The following TRIM49 variants were observed in gnomAD, a reference collection of about 807,000 sequenced individuals.
TRIM49 encodes tripartite motif containing 49.
A neutral mutation model predicts 27.4 loss-of-function variants in TRIM49; 5 were observed. That is an observed-to-expected ratio of 0.18 (90% CI 0.10 to 0.38). TRIM49 has a LOEUF of 0.38. TRIM49 is among the 10% of genes least tolerant of loss of function. The probability of loss-of-function intolerance (pLI) is 1.00; values close to 1 mark genes in which losing one functional copy is unlikely to be tolerated. For synonymous variants in TRIM49, 69 were observed against 166.0 expected (o/e 0.42, Z 4.49); for missense variants, 188 against 487.5 (o/e 0.39, Z 5.79).
At chr11:89,782,120 AC>A in the TRIM49 span, 1 of 1,551,182 alleles carries the variant, frequency 6.4e-7, no homozygotes, top group Non-Finnish European at 8.7e-7. Flanking sequence ...AACAGCAGAT[AC>A]CAATATCGTT....
At chr11:89,783,785 C>A in the TRIM49 span, among the ~76,000 whole-genome samples, 1 of 146,026 alleles carries the variant, frequency 6.8e-6, no homozygotes. Flanking sequence ...GGCTTACCTG[C>A]TCTAACAAAG....
In TRIM49 at chr11:89,807,122, C is replaced by T. The variant is rs1949794220; in HGVS notation, c.-28G>A. ...ACCCTGGAGTTCTTTTAATGGTTCC[C>T]ACAACGATTTTTCCAAAAATAATTT... On this transcript the variant is annotated 5_prime_UTR_variant, in exon 2 of 8. Transcript: ENST00000329758. 1 of 152,470 alleles carries T rather than the reference C, an allele frequency of 6.6e-6. No homozygotes were observed. Among genetic ancestry groups the T allele is most frequent in the African/African-American group, 2.4e-5 (1 of 41,256 alleles). 9.4% of individuals were successfully genotyped at this position (152,470 alleles called of 1,614,324 possible). A position where few individuals can be genotyped will look rare whatever the true frequency, so the allele number is the denominator to read the frequency against.
At chr11:89,797,070 T>G, downstream of TRIM49, among the ~76,000 whole-genome samples, 1 of 152,118 alleles carries the variant, frequency 6.6e-6, no homozygotes, top group Non-Finnish European at 1.5e-5. Context: ...ATTTTGGTAT[T>G]TTTTTATGAG....
the TRIM49 span, chr11:89,782,048 T>G: frequency 6.5e-7 from 1 of 1,531,876 alleles, no homozygotes; most frequent in Non-Finnish European, 8.8e-7. Flanking sequence ...CGGCAAGCAT[T>G]ACTGGGAGGT....
the TRIM49 span, among the ~76,000 whole-genome samples, chr11:89,780,078 G>A: frequency 1.8e-5 from 2 of 113,460 alleles, 1 homozygote; most frequent in East Asian, 6.0e-4. Flanking sequence ...AAAAGACAGA[G>A]GGAGGAGAGA....
chr11:89,783,790 A>G, the TRIM49 span, among the ~76,000 whole-genome samples: 4 of 145,874 alleles, frequency 2.7e-5, no homozygotes, highest in African/African-American at 8.0e-5. Flanking sequence ...ACCTGCTCTA[A>G]CAAAGACCAC....
chr11:89,791,655 T>C, the TRIM49 span, among the ~76,000 whole-genome samples: 9 of 151,578 alleles, frequency 5.9e-5, no homozygotes, highest in Admixed American at 4.6e-4. Flanking sequence ...GCTTCATAAG[T>C]GAAGGAGAAA....
intron 4 of TRIM49, among the ~76,000 whole-genome samples, chr11:89,802,491 T>C (rs1202985996): frequency 7.3e-5 from 11 of 151,052 alleles, no homozygotes; most frequent in South Asian, 6.3e-4. Flanking sequence ...TTTGTGGTTC[T>C]TCCGGCCTCC....
downstream of TRIM49, among the ~76,000 whole-genome samples, chr11:89,795,788 T>C (rs1422598923): frequency 3.4e-5 from 5 of 149,158 alleles, no homozygotes; most frequent in Non-Finnish European, 5.9e-5. Flanking sequence ...CTAATGTAAA[T>C]GAGGAGTTAA....
the TRIM49 span, among the ~76,000 whole-genome samples, chr11:89,772,604 A>G: frequency 7.6e-6 from 1 of 131,800 alleles, no homozygotes; most frequent in Non-Finnish European, 1.5e-5. Context: ...TTAGCTGAAT[A>G]TTTTGATATT....
chr11:89,788,031 G>A, the TRIM49 span, among the ~76,000 whole-genome samples: 2 of 144,194 alleles, frequency 1.4e-5, no homozygotes, highest in Admixed American at 6.8e-5. Context: ...TACACCTAGC[G>A]GGCATGTTGC....
chr11:89,791,849 A>C, the TRIM49 span, among the ~76,000 whole-genome samples: 1 of 151,568 alleles, frequency 6.6e-6, no homozygotes, highest in African/African-American at 2.4e-5. Flanking sequence ...TGAGCAAAAT[A>C]ACCAGCTAAC....
Position 89,804,077 on chromosome 11 carries a change from C to A in TRIM49, c.393G>T (p.Trp131Cys), listed in dbSNP as rs777629835. Residue 131 changes from tryptophan to cysteine, a missense_variant, in exon 3 of 8, where the codon TGG (tryptophan) becomes TGT (cysteine). By Grantham distance (215) the Trp-to-Cys change is radical (BLOSUM62 -2). Around this residue, in one of 6 missense-constraint regions of TRIM49, gnomAD observed 21 missense variants for 71.4 expected, o/e 0.29. Coordinates refer to ENST00000329758, the MANE Select transcript of TRIM49 (RefSeq NM_020358.2). Reference protein sequence around the residue: ...HRYHRHRPIEWAAEEHREKLL... With the variant: ...HRYHRHRPIECAAEEHREKLL... ...CACTTACCCGGTGTTCCTCAGCAGC[C>A]CACTCAATGGGACGGTGTCTGTGAT... 6.2e-7 allele frequency: 1 copy of A among 1,608,166 alleles called. No individual in the cohort carries two copies. The highest frequency in any genetic ancestry group is 1.1e-5 in the South Asian group (1 of 90,778).
chr11:89,793,519 A>G (rs1484198918), downstream of TRIM49, among the ~76,000 whole-genome samples: 3 of 152,206 alleles, frequency 2.0e-5, no homozygotes, highest in Non-Finnish European at 4.4e-5. Context: ...GCAGCACATC[A>G]AAAAGCTTAT....
At chr11:89,779,695 T>TA in the TRIM49 span, among the ~76,000 whole-genome samples, 605 of 108,100 alleles carry the variant, frequency 5.6e-3, 23 homozygotes, top group Non-Finnish European at 9.1e-3. Context: ...TATATATATA[T>TA]TTTTTTGCAG....
At chr11:89,777,678 G>C in the TRIM49 span, among the ~76,000 whole-genome samples, 10 of 150,928 alleles carry the variant, frequency 6.6e-5, no homozygotes, top group South Asian at 2.1e-4. Flanking sequence ...GTCAGGTTAT[G>C]TAAAAGCCAG....
In TRIM49 at chr11:89,798,639, A is replaced by G; in HGVS notation, c.860-10T>C. On this transcript the variant is annotated splice_polypyrimidine_tract_variant and intron_variant, in intron 7 of 7. Coordinates refer to ENST00000329758, the MANE Select transcript of TRIM49 (RefSeq NM_020358.2). The stretch of plus-strand genomic sequence containing the variant: ...TGCAGAGTAATATGCACTGCAAAAA[A>G]AAAAAAAAAGAAAACATGCATAGAC... 6.6e-7 allele frequency: 1 copy of G among 1,519,836 alleles called. No individual in the cohort carries two copies. Among genetic ancestry groups the G allele is most frequent in the Non-Finnish European group, 8.7e-7 (1 of 1,150,998 alleles). 94.1% of individuals were successfully genotyped at this position (1,519,836 alleles called of 1,614,324 possible).
chr11:89,768,856 G>C, the TRIM49 span: 12 of 505,106 alleles, frequency 2.4e-5, 3 homozygotes, highest in East Asian at 6.9e-4. Context: ...GAGAGAGAGA[G>C]AGAGAGAGAG....
rs762241066 is a variant in TRIM49 at position 89,800,991 on chromosome 11, GA to G, written c.739-4del. 0.099 allele frequency: 97,446 copies of G among 987,502 alleles called. 7 individuals carry two copies. The highest frequency in any genetic ancestry group is 0.13 in the East Asian group (3,861 of 28,754). The allele number at this position is 987,502 out of a possible 1,614,324, so 61.2% of individuals were successfully genotyped here. On this transcript the variant is annotated splice_region_variant and splice_polypyrimidine_tract_variant and intron_variant, in intron 5 of 7. Coordinates refer to ENST00000329758, the MANE Select transcript of TRIM49 (RefSeq NM_020358.2). ...CTGTGTAATATGTCTCCAAAAGCCT[GA>G]AAAAAAAAAAAAGAAGAAAGATTTA...
Sources: gnomAD v4.1 joint callset for allele counts (sites outside exome capture counted in the v4.1 genomes callset) on GRCh38, gnomAD v4.1.1 for gene constraint, gnomAD v4.1.1 regional missense constraint, MANE v1.5 for transcripts, NCBI Gene and HGNC (gene_info 2026-07-23, HGNC 2026-07-21) for gene names.